The following SPTB variants were observed in gnomAD, a reference collection of about 807,000 sequenced individuals.
SPTB encodes spectrin beta, erythrocytic.
SPTB carries 45 observed loss-of-function variants against 256.2 expected under a neutral mutation model. That is an observed-to-expected ratio of 0.18 (90% CI 0.14 to 0.23). The LOEUF (loss-of-function observed/expected upper bound fraction) is 0.23. SPTB is among the 10% of genes least tolerant of loss of function. The probability of loss-of-function intolerance (pLI) is 1.00; values close to 1 mark genes in which losing one functional copy is unlikely to be tolerated. For missense variants in SPTB, 2,715 were observed against 3,040.4 expected (o/e 0.89, Z 2.52); for synonymous variants, 1,231 against 1,243.1 (o/e 0.99, Z 0.21).
rs1433592485 is a variant in SPTB at position 64,802,133 on chromosome 14, T to C, written c.566+93A>G. The stretch of plus-strand genomic sequence containing the variant: ...ACAGGGAGGCAGCTGTAGTTCTGGG[T>C]GATGATGTCTAATGTCCCTCTGGAG... On this transcript the variant is annotated intron_variant, in intron 5 of 35. Coordinates refer to ENST00000644917, the MANE Select transcript of SPTB (RefSeq NM_001355436.2). This position sits in a 1 kb window ranked among gnomAD's most constrained non-coding sequence, Gnocchi z 5.1. 8.3e-7 allele frequency: 1 copy of C among 1,203,626 alleles called. No individual in the cohort carries two copies. Among genetic ancestry groups the C allele is most frequent in the East Asian group, 2.4e-5 (1 of 41,598 alleles). The allele number at this position is 1,203,626 out of a possible 1,614,324, so 74.6% of individuals were successfully genotyped here. A position where few individuals can be genotyped will look rare whatever the true frequency, so the allele number is the denominator to read the frequency against.
At chr14:64,801,910 A>G in intron 5 of SPTB, 76 bp from the exon 6 acceptor site, 1 of 1,384,266 alleles carries the variant, frequency 7.2e-7, no homozygotes, top group East Asian at 2.3e-5. Context: ...ATTGAGGGCC[A>G]ATATACCAGG....
In SPTB at chr14:64,748,510, C is replaced by T. The variant is rs1389435429; in HGVS notation, c.*796G>A. 2 of 152,420 alleles carry T rather than the reference C, an allele frequency of 1.3e-5. No homozygotes were observed. Among genetic ancestry groups the T allele is most frequent in the Non-Finnish European group, 2.9e-5 (2 of 68,218 alleles). The allele number at this position is 152,420 out of a possible 1,614,324, so 9.4% of individuals were successfully genotyped here. On this transcript the variant is annotated 3_prime_UTR_variant, in exon 36 of 36. Transcript: ENST00000644917. ...GCCACGGTTTTCAATGAGGAATGGT[C>T]TGACCTTGCTGCCCTTCCTGGGACC...
At chr14:64,868,244 T>G (rs1225476926) in intron 1 of SPTB, among the ~76,000 whole-genome samples, 2 of 151,892 alleles carry the variant, frequency 1.3e-5, no homozygotes. Context: ...ATAGTGACAG[T>G]GGAAATTAAA....
chr14:64,786,918 C>G lies in SPTB; in HGVS notation c.3047G>C (p.Arg1016Pro). The change falls in exon 16 of 36, where the codon CGT becomes CCT. Residue 1016 changes from arginine to proline, a missense_variant. Transcript: ENST00000644917. The surrounding 1 kb of genome is among the most constrained non-coding windows in gnomAD (Gnocchi z 5.6). The part of the protein sequence containing the change: ...AIQARVDALE[R>P]ESQQLMDSHP... ...CGAGTCCATCAGCTGCTGGGACTCA[C>G]GCTCCAGGGCATCCACACGGGCCTG... The G allele has an allele frequency of 1.2e-6, 2 of 1,613,246 alleles. No homozygotes were observed. Among genetic ancestry groups the G allele is most frequent in the East Asian group, 2.2e-5 (1 of 44,878 alleles).
Position 64,807,048 on chromosome 14 carries a change from G to A in SPTB, c.149-1958C>T, listed in dbSNP as rs1344626439. Among the ~76,000 whole-genome samples, 1 of 152,186 alleles carries A rather than the reference G, an allele frequency of 6.6e-6. No homozygotes were observed. Among genetic ancestry groups the A allele is most frequent in the Non-Finnish European group, 1.5e-5 (1 of 68,030 alleles). On this transcript the variant is annotated intron_variant, in intron 2 of 35. Coordinates refer to ENST00000644917, the MANE Select transcript of SPTB (RefSeq NM_001355436.2). The surrounding 1 kb of genome is among the most constrained non-coding windows in gnomAD (Gnocchi z 4.7). ...CTAAAGGGAGTTTGATGCCATACTG[G>A]ACGGAAAGCAATTGCACTTATTTTG... is the stretch of plus-strand genomic sequence containing the variant.
chr14:64,796,520 T>C lies in SPTB; in HGVS notation c.1341+37A>G. 13 of 1,613,724 alleles carry C rather than the reference T, an allele frequency of 8.1e-6. No homozygotes were observed. The highest frequency in any genetic ancestry group is 1.1e-5 in the Non-Finnish European group (13 of 1,179,950). ...CAAGAGCTGGGGGCTCTGAAGAATG[T>C]CCCCTCTCCTGTCACCCAAAGCATG... On this transcript the variant is annotated intron_variant, in intron 11 of 35. Transcript: ENST00000644917. The surrounding 1 kb of genome is among the most constrained non-coding windows in gnomAD (Gnocchi z 4.1).
chr14:64,805,034 C>T lies in SPTB; in HGVS notation c.205G>A (p.Ala69Thr), dbSNP rs1204232304. ...TFTKWVNSHL[A>T]RVSCRITDLY... ...TCGGTGATGCGGCAGGACACTCGAG[C>T]CAGGTGCGAGTTCACCCATTTCGTG... Residue 69 changes from alanine (A) to threonine (T), a missense_variant, in exon 3 of 36, where the codon GCT becomes ACT. By Grantham distance (58) the Ala-to-Thr change is moderately conservative. Transcript: ENST00000644917. 5.6e-6 allele frequency: 9 copies of T among 1,613,878 alleles called. No individual in the cohort carries two copies. The highest frequency in any genetic ancestry group is 7.6e-6 in the Non-Finnish European group (9 of 1,179,954).
rs187594132 is a variant in SPTB, at chr14:64,876,539, G to A, written c.-52+3253C>T. Among the ~76,000 whole-genome samples, 24 of 152,172 alleles carry A rather than the reference G, an allele frequency of 1.6e-4. No homozygotes were observed. In the East Asian group the frequency reaches 2.3e-3, roughly 15 times the overall value. On this transcript the variant is annotated intron_variant, in intron 1 of 35. Coordinates refer to ENST00000644917, the MANE Select transcript of SPTB (RefSeq NM_001355436.2). ...GTTTAGGTTAAAACACGTATCTGAC[G>A]GTCTCAACAGTTCTCTAAAGTCCTT...
At position 64,760,475 on chromosome 14, in the gene SPTB, G is replaced by C. The variant is rs184803472; in HGVS notation, c.6345+6251C>G. 6.6e-6 allele frequency among the ~76,000 whole-genome samples: 1 copy of C among 152,100 alleles called. No homozygotes were observed. The stretch of plus-strand genomic sequence containing the variant: ...GGTTCTGAAGATGCTCAGAGAACCC[G>C]GATGCATTTACAAGCAAAGAACACA... On this transcript the variant is annotated intron_variant, in intron 32 of 35. Coordinates refer to ENST00000644917, the MANE Select transcript of SPTB (RefSeq NM_001355436.2). This position sits in a 1 kb window ranked among gnomAD's most constrained non-coding sequence, Gnocchi z 4.3.
chr14:64,765,025 C>CGTGTGTGTGT lies in SPTB; in HGVS notation c.6345+1691_6345+1700dup, dbSNP rs565885364. ...GCTGGAGGCCACAGAGGAGTGTGTG[C>CGTGTGTGTGT]GTGTGTGTGTGTGTGTGCGCGCGCG... is the stretch of plus-strand genomic sequence containing the variant. On this transcript the variant is annotated intron_variant, in intron 32 of 35. Coordinates refer to ENST00000644917, the MANE Select transcript of SPTB (RefSeq NM_001355436.2). Among the ~76,000 whole-genome samples, 337 of 118,306 alleles carry CGTGTGTGTGT rather than the reference C, an allele frequency of 2.8e-3. 1 individual carries two copies. Among genetic ancestry groups the CGTGTGTGTGT allele is most frequent in the African/African-American group, 9.6e-3 (306 of 31,734 alleles). 77.6% of individuals were successfully genotyped at this position (118,306 alleles called of 152,430 possible). A position where few individuals can be genotyped will look rare whatever the true frequency, so the allele number is the denominator to read the frequency against.
At chr14:64,857,017 C>A (rs1361426966) in intron 1 of SPTB, among the ~76,000 whole-genome samples, 1 of 152,128 alleles carries the variant, frequency 6.6e-6, no homozygotes, top group Non-Finnish European at 1.5e-5. Context: ...CCTGTGAAAC[C>A]CTTTGAGGGA....
At chr14:64,787,198 C>T (rs2082588025) in intron 15 of SPTB, 38 bp from the exon 16 acceptor site, 2 of 1,599,366 alleles carry the variant, frequency 1.3e-6, no homozygotes, top group South Asian at 1.1e-5. Context: ...AGAGAGACAC[C>T]TTCTCCCTTA....
chr14:64,762,799 C>T (rs1187598083), intron 32 of SPTB, among the ~76,000 whole-genome samples: 1 of 152,206 alleles, frequency 6.6e-6, no homozygotes, highest in Non-Finnish European at 1.5e-5. Context: ...CAGCTGCTTT[C>T]TGGAGTGACC....
chr14:64,762,381 C>T (rs2082107574), intron 32 of SPTB, among the ~76,000 whole-genome samples: 2 of 152,218 alleles, frequency 1.3e-5, no homozygotes, highest in Non-Finnish European at 2.9e-5. Flanking sequence ...AGAGCCCCAC[C>T]ACTGGCTGCT....
intron 29 of SPTB, chr14:64,768,339 C>A (rs1052739803): frequency 9.6e-6 from 2 of 209,354 alleles, no homozygotes; most frequent in African/African-American, 2.3e-5. Flanking sequence ...CATGCCTGGC[C>A]CAATAGTTAT....
In SPTB at chr14:64,827,764, G is replaced by A. The variant is rs1266457446; in HGVS notation, c.-51-4619C>T. Among the ~76,000 whole-genome samples, 1 of 152,176 alleles carries A rather than the reference G, an allele frequency of 6.6e-6. No homozygotes were observed. The highest frequency in any genetic ancestry group is 6.5e-5 in the Admixed American group (1 of 15,276). The stretch of plus-strand genomic sequence containing the variant: ...GCCCTAACCTCCTCCCTACTCTCAA[G>A]CTCTAGTCTGGCACCTCCATCTGCC... On this transcript the variant is annotated intron_variant, in intron 1 of 35. Coordinates refer to ENST00000644917, the MANE Select transcript of SPTB (RefSeq NM_001355436.2). This position sits in a 1 kb window ranked among gnomAD's most constrained non-coding sequence, Gnocchi z 4.6.
rs542688534 is a variant in SPTB, at chr14:64,852,678, G to GA, written c.-52+27113dup. ...CAAGTGAGAGAAAGGGAAGAGCCAA[G>GA]AATGATTTCTCAAGTGGATGATGGT... is the stretch of plus-strand genomic sequence containing the variant. On this transcript the variant is annotated intron_variant, in intron 1 of 35. Coordinates refer to ENST00000644917, the MANE Select transcript of SPTB (RefSeq NM_001355436.2). The surrounding 1 kb of genome is among the most constrained non-coding windows in gnomAD (Gnocchi z 4.2). Among the ~76,000 whole-genome samples the GA allele has an allele frequency of 3.2e-4, 48 of 152,268 alleles. No individual in the cohort carries two copies. Among genetic ancestry groups the GA allele is most frequent in the Non-Finnish European group, 6.0e-4 (41 of 68,032 alleles).
Position 64,852,029 on chromosome 14 carries a change from A to C in SPTB, c.-52+27763T>G, listed in dbSNP as rs1020636524. Among the ~76,000 whole-genome samples the C allele has an allele frequency of 3.9e-5, 6 of 152,182 alleles. No individual in the cohort carries two copies. Among genetic ancestry groups the C allele is most frequent in the Non-Finnish European group, 7.3e-5 (5 of 68,040 alleles). Reference sequence around the variant, plus strand: ...CACATGTACCCCGGAACTTAAAATAAAAATATTTAAAAAGCCCCCAGTAGC... The same window carrying C: ...CACATGTACCCCGGAACTTAAAATACAAATATTTAAAAAGCCCCCAGTAGC... On this transcript the variant is annotated intron_variant, in intron 1 of 35. Transcript: ENST00000644917. The surrounding 1 kb of genome is among the most constrained non-coding windows in gnomAD (Gnocchi z 4.2).
chr14:64,809,893 T>C (rs150077480), intron 2 of SPTB, among the ~76,000 whole-genome samples: 216 of 152,276 alleles, frequency 1.4e-3, no homozygotes, highest in African/African-American at 4.8e-3. Flanking sequence ...TGCTGAGGTC[T>C]TGAATAAAAA....
Sources: allele counts gnomAD v4.1 joint callset (sites outside exome capture counted in the v4.1 genomes callset), GRCh38; gene constraint gnomAD v4.1.1; non-coding constraint Gnocchi (gnomAD v3.1); transcripts MANE v1.5; gene names NCBI Gene and HGNC (gene_info 2026-07-23, HGNC 2026-07-21).